Variants in NUP210L observed in about 807,000 individuals in gnomAD.
NUP210L encodes nucleoporin 210 like.
In NUP210L, 74 loss-of-function variants were observed where a neutral mutation model predicts 208.5. That is an observed-to-expected ratio of 0.35 (90% confidence interval 0.29 to 0.43). The LOEUF (loss-of-function observed/expected upper bound fraction) is 0.43. Among genes scored for constraint, NUP210L ranks in the 20% least tolerant of loss-of-function variants. The probability of loss-of-function intolerance (pLI) is 1.00; values close to 1 mark genes in which losing one functional copy is unlikely to be tolerated. For missense variants in NUP210L, 1,843 were observed against 2,289.4 expected (o/e 0.81, Z 3.98); for synonymous variants, 780 against 816.9 (o/e 0.95, Z 0.77).
At chr1:154,017,304 G>A (rs1030519559) in intron 33 of NUP210L, among the ~76,000 whole-genome samples, 7 of 151,346 alleles carry the variant, frequency 4.6e-5, no homozygotes, top group Middle Eastern at 3.4e-3. Flanking sequence ...AAAAGGGGGG[G>A]GCTCAGGTCA....
At chr1:154,028,432 CA>C (rs1279231920) in intron 28 of NUP210L, among the ~76,000 whole-genome samples, 1 of 151,876 alleles carries the variant, frequency 6.6e-6, no homozygotes, top group Non-Finnish European at 1.5e-5. Context: ...ACTAAAAATA[CA>C]AAAAGTAGCC....
chr1:154,150,529 A>T (rs985379673), intron 2 of NUP210L, among the ~76,000 whole-genome samples: 20 of 152,124 alleles, frequency 1.3e-4, no homozygotes, highest in Non-Finnish European at 2.1e-4. Flanking sequence ...GGAGTTCAAG[A>T]CTAGCCTGGC....
intron 37 of NUP210L, among the ~76,000 whole-genome samples, chr1:153,997,875 ATT>A (rs913469489): frequency 3.3e-5 from 5 of 149,760 alleles, no homozygotes. Context: ...ATTTTTATTT[ATT>A]TTTTTTATTT....
intron 8 of NUP210L, among the ~76,000 whole-genome samples, chr1:154,127,860 T>C (rs1658064258): frequency 1.3e-5 from 2 of 150,212 alleles, no homozygotes; most frequent in Admixed American, 6.7e-5. Context: ...TGGTCTAAAG[T>C]AGATTTTTTT....
At chr1:154,072,620 C>G (rs1168246997) in intron 16 of NUP210L, among the ~76,000 whole-genome samples, 1 of 152,078 alleles carries the variant, frequency 6.6e-6, no homozygotes, top group Non-Finnish European at 1.5e-5. Flanking sequence ...GCGTGAGCCA[C>G]CGCGCCTGGC....
chr1:154,151,470 G>GAA (rs11395624), intron 2 of NUP210L, among the ~76,000 whole-genome samples: 1 of 151,658 alleles, frequency 6.6e-6, no homozygotes, highest in Middle Eastern at 3.4e-3. Flanking sequence ...TTAGTAGTTG[G>GAA]AAAAAAATCT....
At chr1:154,141,477 C>G (rs201180542) in exon 4 of NUP210L, 1 of 1,613,176 alleles carries the variant, frequency 6.2e-7, no homozygotes, top group Non-Finnish European at 8.5e-7. Flanking sequence ...TTGTCCTGGG[C>G]AATGCTCCAC....
intron 12 of NUP210L, among the ~76,000 whole-genome samples, chr1:154,105,131 G>A (rs1266617546): frequency 2.6e-5 from 4 of 152,200 alleles, no homozygotes; most frequent in Non-Finnish European, 2.9e-5. Flanking sequence ...GGGGCAGAAG[G>A]GAACCTGCTG....
chr1:153,995,164 G>A (rs377622809), exon 38 of NUP210L: 565 of 1,613,232 alleles, frequency 3.5e-4, no homozygotes, highest in Non-Finnish European at 4.1e-4. Context: ...TGAGGATGGC[G>A]GAATCTTCAC....
At chr1:154,140,839 A>C (rs61109915) in intron 4 of NUP210L, among the ~76,000 whole-genome samples, 10,334 of 133,702 alleles carry the variant, frequency 0.077, 396 homozygotes, top group South Asian at 0.18. Context: ...ACAACAACAA[A>C]AAAAATTAGC....
At chr1:154,009,854 G>A in intron 35 of NUP210L, 118 bp downstream of exon 35, 7 of 674,366 alleles carry the variant, frequency 1.0e-5, no homozygotes, top group South Asian at 7.4e-5. Flanking sequence ...GCCTGACAAA[G>A]ATTCCACAGT....
chr1:154,004,275 T>G (rs1448678481), intron 35 of NUP210L, among the ~76,000 whole-genome samples: 1 of 152,080 alleles, frequency 6.6e-6, no homozygotes, highest in African/African-American at 2.4e-5. Flanking sequence ...TTCACCATGT[T>G]AGCCAAGATG....
chr1:154,014,017 G>A (rs1387367886), intron 33 of NUP210L, among the ~76,000 whole-genome samples: 2 of 151,932 alleles, frequency 1.3e-5, no homozygotes, highest in South Asian at 2.1e-4. Flanking sequence ...CACTGACCTC[G>A]GCCTCTAAAA....
chr1:154,109,883 A>G (rs1257213858), intron 12 of NUP210L, among the ~76,000 whole-genome samples: 1 of 151,438 alleles, frequency 6.6e-6, no homozygotes, highest in Non-Finnish European at 1.5e-5. Context: ...AACAAAACCT[A>G]TGAGATACAG....
At chr1:154,107,545 A>G (rs901570565) in intron 12 of NUP210L, among the ~76,000 whole-genome samples, 35 of 151,782 alleles carry the variant, frequency 2.3e-4, no homozygotes, top group African/African-American at 8.0e-4. Context: ...AGAAAGAATC[A>G]GTGAGCTTGA....
intron 12 of NUP210L, among the ~76,000 whole-genome samples, chr1:154,105,706 T>C (rs1656722207): frequency 2.0e-5 from 3 of 152,146 alleles, no homozygotes; most frequent in Admixed American, 2.0e-4. Context: ...TCAGCCATAG[T>C]GAGGTAGAGC....
intron 15 of NUP210L, among the ~76,000 whole-genome samples, chr1:154,093,807 C>T (rs1656045724): frequency 6.6e-6 from 1 of 152,142 alleles, no homozygotes; most frequent in Non-Finnish European, 1.5e-5. Flanking sequence ...GATAGAAGTA[C>T]AGCACAGCTG....
intron 2 of NUP210L, among the ~76,000 whole-genome samples, chr1:154,152,216 G>A (rs899521909): frequency 1.5e-5 from 2 of 137,282 alleles, no homozygotes; most frequent in African/African-American, 2.7e-5. Context: ...CTGTCGCCCC[G>A]CTGGAGTGCA....
intron 5 of NUP210L, 111 bp downstream of exon 5, chr1:154,139,691 A>C (rs2500223): frequency 0.55 from 305,578 of 550,670 alleles, 51,785 homozygotes; most frequent in Admixed American, 0.64. Context: ...AACAAACAAA[A>C]AAAAAAAAAA....
Sources: allele counts gnomAD v4.1 joint callset (sites outside exome capture counted in the v4.1 genomes callset), GRCh38; gene constraint gnomAD v4.1.1; transcripts MANE v1.5; gene names NCBI Gene and HGNC (gene_info 2026-07-23, HGNC 2026-07-21).